Variants in OR4A16 observed in about 807,000 individuals in gnomAD.
OR4A16 encodes the protein olfactory receptor 4A16.
For missense variants in OR4A16, 594 were observed against 390.9 expected, an observed-to-expected ratio of 1.52 and a Z score of -4.38; for synonymous variants, 210 against 138.6, an observed-to-expected ratio of 1.51 and a Z score of -3.62.
rs759984993 is a variant in OR4A16 at position 55,344,070 on chromosome 11, A to T, written c.870A>T (p.Ser290=). Residue 290 remains serine (S), a synonymous_variant, in exon 1 of 1, where the codon TCA becomes TCT. Transcript: ENST00000314721. ...LNPLIYSLRQ[S]EMKNAMKNLW... is the part of the protein sequence containing the mutation. ...CTTTAATATACTCGTTGAGACAATCAGAGATGAAAAATGCTATGAAAAATC... is the reference window on the plus strand; with the variant it reads ...CTTTAATATACTCGTTGAGACAATCTGAGATGAAAAATGCTATGAAAAATC... 1 of 1,612,442 alleles carries T rather than the reference A, an allele frequency of 6.2e-7. No homozygotes were observed. The highest frequency in any genetic ancestry group is 1.7e-5 in the Admixed American group (1 of 59,934).
In OR4A16 at chr11:55,343,792, G is replaced by GT. The variant is rs1853465293; in HGVS notation, c.594dup (p.Ala199CysfsTer26). 1.9e-6 allele frequency: 3 copies of GT among 1,613,688 alleles called. No individual in the cohort carries two copies. In the Admixed American group the frequency reaches 5.0e-5, roughly 27 times the overall value. On this transcript the variant is annotated frameshift_variant, in exon 1 of 1. Coordinates refer to ENST00000314721, the MANE Select transcript of OR4A16 (RefSeq NM_001005274.1). LOFTEE classifies it low-confidence loss of function (END_TRUNC). ...CACCTACTTTATAGGACTCACTGTG[G>GT]TTGCCAATGGTGGAATAATTTGTAT...
rs201888182 is a variant in OR4A16 at position 55,344,170 on chromosome 11, G to T, written c.970G>T (p.Ala324Ser). 3 of 1,583,346 alleles carry T rather than the reference G, an allele frequency of 1.9e-6. No homozygotes were observed. The highest frequency in any genetic ancestry group is 2.2e-5 in the East Asian group (1 of 44,502). Residue 324 changes from alanine (A) to serine (S), a missense_variant, in exon 1 of 1, where the codon GCA becomes TCA. By Grantham distance (99) the Ala-to-Ser change is moderately conservative. Transcript: ENST00000314721. Reference sequence around the variant, plus strand: ...GAACATATTTATTCCTAGTTCTAAGGCAACAAATAGGCGGTAAAATACTGC... The same window carrying T: ...GAACATATTTATTCCTAGTTCTAAGTCAACAAATAGGCGGTAAAATACTGC... ...TLNIFIPSSK[A>S]TNRR
In OR4A16 at chr11:55,344,012, T is replaced by A; in HGVS notation, c.812T>A (p.Val271Glu). Residue 271 changes from valine to glutamate, a missense_variant, in exon 1 of 1, where the codon GTG becomes GAG. Physicochemically the swap from Val to Glu is moderately radical, Grantham distance 121. Coordinates refer to ENST00000314721, the MANE Select transcript of OR4A16 (RefSeq NM_001005274.1). Reference sequence around the variant, plus strand: ...TTTCCCTTTGATAAATTAATGACTGTGTTTTATTCAATTATCACACTCATG... The same window carrying A: ...TTTCCCTTTGATAAATTAATGACTGAGTTTTATTCAATTATCACACTCATG... The part of the protein sequence containing the change: ...SNFPFDKLMT[V>E]FYSIITLMLN... The A allele has an allele frequency of 1.2e-6, 2 of 1,612,888 alleles. No homozygotes were observed. Among genetic ancestry groups the A allele is most frequent in the Non-Finnish European group, 1.7e-6 (2 of 1,179,122 alleles).
Position 55,344,122 on chromosome 11 carries a change from A to C in OR4A16, c.922A>C (p.Arg308=). ...NLWCEKLSIV[R]KRVSPTLNIF... ...CTGGTGTGAAAAGTTAAGTATAGTT[A>C]GAAAAAGAGTATCTCCCACACTGAA... The change falls in exon 1 of 1, where the codon AGA becomes CGA. Residue 308 remains arginine (R), a synonymous_variant. Coordinates refer to ENST00000314721, the MANE Select transcript of OR4A16 (RefSeq NM_001005274.1). The C allele has an allele frequency of 6.2e-6, 10 of 1,607,426 alleles. No homozygotes were observed. The highest frequency in any genetic ancestry group is 6.8e-6 in the Non-Finnish European group (8 of 1,178,664).
rs1853461469 is a variant in OR4A16 at position 55,343,677 on chromosome 11, C to T, written c.477C>T (p.Val159=). Residue 159 remains valine, a synonymous_variant, in exon 1 of 1, where the codon GTC becomes GTT. Coordinates refer to ENST00000314721, the MANE Select transcript of OR4A16 (RefSeq NM_001005274.1). ...GGFVHSVVQI[V]FLYSLPICGP... ...TTGTGCACTCTGTGGTTCAAATTGT[C>T]TTTCTGTACAGTCTACCAATCTGTG... 1.2e-6 allele frequency: 2 copies of T among 1,613,856 alleles called. No individual in the cohort carries two copies.
In OR4A16 at chr11:55,343,377, C is replaced by A. The variant is rs754577987; in HGVS notation, c.177C>A (p.Phe59Leu). The A allele has an allele frequency of 3.7e-6, 6 of 1,613,850 alleles. No individual in the cohort carries two copies. In the Admixed American group the frequency reaches 6.7e-5, roughly 18 times the overall value. Residue 59 changes from phenylalanine to leucine, a missense_variant, in exon 1 of 1, where the codon TTC becomes TTA. Phe to Leu is a conservative substitution (Grantham distance 22). Coordinates refer to ENST00000314721, the MANE Select transcript of OR4A16 (RefSeq NM_001005274.1). ...GSPSLGSLMY[F>L]FLAYLSLMDA... ...CCTCCTTGGGCTCCCTAATGTACTT[C>A]TTCCTTGCCTACTTGTCACTTATGG...
chr11:55,344,082 T>C lies in OR4A16; in HGVS notation c.882T>C (p.Asn294=). 1.2e-6 allele frequency: 2 copies of C among 1,612,096 alleles called. No homozygotes were observed. Among genetic ancestry groups the C allele is most frequent in the Non-Finnish European group, 1.7e-6 (2 of 1,179,032 alleles). Reference sequence around the variant, plus strand: ...CGTTGAGACAATCAGAGATGAAAAATGCTATGAAAAATCTCTGGTGTGAAA... The same window carrying C: ...CGTTGAGACAATCAGAGATGAAAAACGCTATGAAAAATCTCTGGTGTGAAA... ...IYSLRQSEMK[N]AMKNLWCEKL... The change falls in exon 1 of 1, where the codon AAT becomes AAC. Residue 294 remains asparagine, a synonymous_variant. Coordinates refer to ENST00000314721, the MANE Select transcript of OR4A16 (RefSeq NM_001005274.1).
At position 55,344,055 on chromosome 11, in the gene OR4A16, C is replaced by T. The variant is rs78253574; in HGVS notation, c.855C>T (p.Tyr285=). Reference sequence around the variant, plus strand: ...CACTCATGTTGAATCCTTTAATATACTCGTTGAGACAATCAGAGATGAAAA... The same window carrying T: ...CACTCATGTTGAATCCTTTAATATATTCGTTGAGACAATCAGAGATGAAAA... The part of the protein sequence containing the change: ...IITLMLNPLI[Y]SLRQSEMKNA... The change falls in exon 1 of 1, where the codon TAC becomes TAT. Residue 285 remains tyrosine, a synonymous_variant. Coordinates refer to ENST00000314721, the MANE Select transcript of OR4A16 (RefSeq NM_001005274.1). 4,304 of 1,598,680 alleles carry T rather than the reference C, an allele frequency of 2.7e-3. No individual in the cohort carries two copies. Among genetic ancestry groups the T allele is most frequent in the African/African-American group, 0.017 (1,253 of 72,226 alleles).
rs1349447791 is a variant in OR4A16 at position 55,343,213 on chromosome 11, A to T, written c.13A>T (p.Ser5Cys). 4 of 1,600,662 alleles carry T rather than the reference A, an allele frequency of 2.5e-6. No homozygotes were observed. The highest frequency in any genetic ancestry group is 3.4e-6 in the Non-Finnish European group (4 of 1,173,416). MRPS[S>C]NVTEFVLLGL... ...GAAAGAAGAGTAAATGAGACCAAGC[A>T]GCAATGTTACAGAATTTGTCCTCCT... The change falls in exon 1 of 1, where the codon AGC (serine) becomes TGC (cysteine). Residue 5 changes from serine to cysteine, a missense_variant. By Grantham distance (112) the Ser-to-Cys change is moderately radical. Coordinates refer to ENST00000314721, the MANE Select transcript of OR4A16 (RefSeq NM_001005274.1).
chr11:55,343,663 G>A lies in OR4A16; in HGVS notation c.463G>A (p.Val155Met), dbSNP rs765420820. The A allele has an allele frequency of 4.3e-6, 7 of 1,613,864 alleles. No individual in the cohort carries two copies. In the East Asian group the frequency reaches 1.6e-4, roughly 36 times the overall value. The change falls in exon 1 of 1, where the codon GTG becomes ATG. Residue 155 changes from valine to methionine, a missense_variant. Val to Met is a conservative substitution (Grantham distance 21). Coordinates refer to ENST00000314721, the MANE Select transcript of OR4A16 (RefSeq NM_001005274.1). ...CATGATTGGAGGTTTTGTGCACTCT[G>A]TGGTTCAAATTGTCTTTCTGTACAG... is the stretch of plus-strand genomic sequence containing the variant. ...VAMIGGFVHS[V>M]VQIVFLYSLP... is the part of the protein sequence containing the mutation.
In OR4A16 at chr11:55,344,115, T is replaced by C. The variant is rs762129860; in HGVS notation, c.915T>C (p.Ser305=). 5.3e-5 allele frequency: 86 copies of C among 1,607,652 alleles called. 1 individual carries two copies. The highest frequency in any genetic ancestry group is 1.7e-4 in the Middle Eastern group (1 of 6,054). ...AMKNLWCEKL[S]IVRKRVSPTL... is the part of the protein sequence containing the mutation. ...AAAATCTCTGGTGTGAAAAGTTAAG[T>C]ATAGTTAGAAAAAGAGTATCTCCCA... is the stretch of plus-strand genomic sequence containing the variant. The change falls in exon 1 of 1, where the codon AGT becomes AGC. Residue 305 remains serine, a synonymous_variant. Coordinates refer to ENST00000314721, the MANE Select transcript of OR4A16 (RefSeq NM_001005274.1).
rs769532333 is a variant in OR4A16, at chr11:55,343,932, G to C, written c.732G>C (p.Val244=). ...CTACCTGCATCTCCCACATCATTGTGGTTGCCCTCGTTTTTGTTCCCTGTA... is the reference window on the plus strand; with the variant it reads ...CTACCTGCATCTCCCACATCATTGTCGTTGCCCTCGTTTTTGTTCCCTGTA... ...ALPTCISHII[V]VALVFVPCIF... The change falls in exon 1 of 1, where the codon GTG becomes GTC. Residue 244 remains valine (V), a synonymous_variant. Transcript: ENST00000314721. 1.2e-6 allele frequency: 2 copies of C among 1,613,650 alleles called. No homozygotes were observed. Among genetic ancestry groups the C allele is most frequent in the Admixed American group, 1.7e-5 (1 of 59,928 alleles).
chr11:55,343,622 T>A lies in OR4A16; in HGVS notation c.422T>A (p.Leu141His). 6.8e-6 allele frequency: 11 copies of A among 1,613,954 alleles called. No homozygotes were observed. Among genetic ancestry groups the A allele is most frequent in the Non-Finnish European group, 9.3e-6 (11 of 1,179,922 alleles). ...ATCATGAATCGACTGGTTTGCATCC[T>A]TCTGTTGGTGGTGGCCATGATTGGA... The part of the protein sequence containing the change: ...LNIMNRLVCI[L>H]LLVVAMIGGF... Residue 141 changes from leucine to histidine, a missense_variant, in exon 1 of 1, where the codon CTT (leucine) becomes CAT (histidine). Physicochemically the swap from Leu to His is moderately conservative, Grantham distance 99 (BLOSUM62 -3). Transcript: ENST00000314721.
chr11:55,343,692 AC>A lies in OR4A16; in HGVS notation c.494del (p.Pro165GlnfsTer29). 1 of 1,613,824 alleles carries A rather than the reference AC, an allele frequency of 6.2e-7. No homozygotes were observed. The highest frequency in any genetic ancestry group is 2.2e-5 in the East Asian group (1 of 44,822). The stretch of plus-strand genomic sequence containing the variant: ...TTCAAATTGTCTTTCTGTACAGTCT[AC>A]CAATCTGTGGCCCCAATGTTATTGA... ...VVQIVFLYSL[P>X]ICGPNVIDHS... On this transcript the variant is annotated frameshift_variant, in exon 1 of 1. Coordinates refer to ENST00000314721, the MANE Select transcript of OR4A16 (RefSeq NM_001005274.1). LOFTEE classifies it low-confidence loss of function (END_TRUNC).
chr11:55,343,279 G>T lies in OR4A16; in HGVS notation c.79G>T (p.Val27Phe). 1 of 1,612,394 alleles carries T rather than the reference G, an allele frequency of 6.2e-7. No homozygotes were observed. Among genetic ancestry groups the T allele is most frequent in the South Asian group, 1.1e-5 (1 of 91,040 alleles). ...QDPDVKKTLF[V>F]MFLLIYIVTM... Reference sequence around the variant, plus strand: ...TCCTGATGTGAAAAAAACATTATTTGTCATGTTTTTACTCATATACATTGT... The same window carrying T: ...TCCTGATGTGAAAAAAACATTATTTTTCATGTTTTTACTCATATACATTGT... Residue 27 changes from valine (V) to phenylalanine (F), a missense_variant, in exon 1 of 1, where the codon GTC becomes TTC. Coordinates refer to ENST00000314721, the MANE Select transcript of OR4A16 (RefSeq NM_001005274.1).
rs1228817266 is a variant in OR4A16, at chr11:55,343,948, G to T, written c.748G>T (p.Val250Phe). ...SHIIVVALVF[V>F]PCIFMYVRPV... ...CATCATTGTGGTTGCCCTCGTTTTT[G>T]TTCCCTGTATTTTTATGTATGTTAG... The change falls in exon 1 of 1, where the codon GTT becomes TTT. Residue 250 changes from valine (V) to phenylalanine (F), a missense_variant. Physicochemically the swap from Val to Phe is conservative, Grantham distance 50. Transcript: ENST00000314721. The T allele has an allele frequency of 6.2e-7, 1 of 1,613,760 alleles. No homozygotes were observed.
Position 55,343,388 on chromosome 11 carries a change from A to G in OR4A16, c.188A>G (p.Tyr63Cys). The change falls in exon 1 of 1, where the codon TAC becomes TGC. Residue 63 changes from tyrosine (Y) to cysteine (C), a missense_variant. Coordinates refer to ENST00000314721, the MANE Select transcript of OR4A16 (RefSeq NM_001005274.1). ...TCCCTAATGTACTTCTTCCTTGCCT[A>G]CTTGTCACTTATGGATGCCATATAT... ...LGSLMYFFLA[Y>C]LSLMDAIYST... 1 of 1,613,774 alleles carries G rather than the reference A, an allele frequency of 6.2e-7. No homozygotes were observed. Among genetic ancestry groups the G allele is most frequent in the Non-Finnish European group, 8.5e-7 (1 of 1,179,810 alleles).
rs7121804 is a variant in OR4A16, at chr11:55,343,746, G to A, written c.546G>A (p.Leu182=). Residue 182 remains leucine, a synonymous_variant, in exon 1 of 1, where the codon TTG becomes TTA. Transcript: ENST00000314721. ...IDHSVCDMYP[L]LELLCLDTYF... is the part of the protein sequence containing the mutation. ...ACTCTGTCTGTGACATGTACCCATT[G>A]TTGGAACTGTTGTGCCTTGACACCT... 90,992 of 1,613,648 alleles carry A rather than the reference G, an allele frequency of 0.056. 2,846 individuals carry two copies. Among genetic ancestry groups the A allele is most frequent in the African/African-American group, 0.062 (4,662 of 74,966 alleles).
rs1233571776 is a variant in OR4A16, at chr11:55,344,009, CTG to C, written c.813_814del (p.Phe272LeufsTer30). 3.7e-6 allele frequency: 6 copies of C among 1,612,132 alleles called. No individual in the cohort carries two copies. The highest frequency in any genetic ancestry group is 1.3e-5 in the African/African-American group (1 of 74,836). ...AACTTTCCCTTTGATAAATTAATGA[CTG>C]TGTTTTATTCAATTATCACACTCAT... is the stretch of plus-strand genomic sequence containing the variant. On this transcript the variant is annotated frameshift_variant, in exon 1 of 1. Transcript: ENST00000314721. LOFTEE classifies it low-confidence loss of function (END_TRUNC).
Sources: gnomAD v4.1 joint callset for allele counts on GRCh38, gnomAD v4.1.1 for gene constraint, MANE v1.5 for transcripts, NCBI Gene and HGNC (gene_info 2026-07-23, HGNC 2026-07-21) for gene names.